Variants in RBMS2 observed in about 807,000 individuals in gnomAD.
The protein encoded by RBMS2 is RNA binding motif single stranded interacting protein 2, also known as RNA-binding motif, single-stranded-interacting protein 2.
A neutral mutation model predicts 58.4 loss-of-function variants in RBMS2; 38 were observed. That is an observed-to-expected ratio of 0.65 (90% confidence interval 0.50 to 0.85). The LOEUF is 0.85. RBMS2 is among the 40% of genes least tolerant of loss of function. RBMS2 has a pLI of 0.00. For missense variants in RBMS2, 367 were observed against 503.7 expected (o/e 0.73, Z 2.60); for synonymous variants, 151 against 180.7 (o/e 0.84, Z 1.32).
In RBMS2 at chr12:56,591,534, G is replaced by C. The variant is rs1885307124; in HGVS notation, c.*2401G>C. The C allele has an allele frequency of 6.6e-6, 1 of 152,122 alleles. No individual in the cohort carries two copies. The highest frequency in any genetic ancestry group is 2.4e-5 in the African/African-American group (1 of 41,412). 9.4% of individuals were successfully genotyped at this position (152,122 alleles called of 1,614,324 possible). A position where few individuals can be genotyped will look rare whatever the true frequency, so the allele number is the denominator to read the frequency against. ...CTAGAGGGCTCTGGCTGGGCAGATA[G>C]CTTTTGTTTTTGAGTCTCCAGCCCT... On this transcript the variant is annotated 3_prime_UTR_variant, in exon 14 of 14. Transcript: ENST00000262031.
chr12:56,543,143 G>A, intron 1 of RBMS2, among the ~76,000 whole-genome samples: 1 of 151,572 alleles, frequency 6.6e-6, no homozygotes, highest in Non-Finnish European at 1.5e-5. Context: ...TAAGTGTTGG[G>A]ATTACAGGCA....
At chr12:56,580,078 C>A (rs1169245732) in intron 5 of RBMS2, among the ~76,000 whole-genome samples, 3 of 149,402 alleles carry the variant, frequency 2.0e-5, no homozygotes, top group Non-Finnish European at 3.0e-5. Flanking sequence ...TACTGGCACG[C>A]ACCACCACAC....
chr12:56,545,078 C>G (rs758136780), intron 1 of RBMS2, among the ~76,000 whole-genome samples: 1 of 152,072 alleles, frequency 6.6e-6, no homozygotes, highest in Non-Finnish European at 1.5e-5. Flanking sequence ...CAGCCTTCCC[C>G]TCCCAGTCCC....
intron 2 of RBMS2, among the ~76,000 whole-genome samples, chr12:56,564,126 T>G (rs967290565): frequency 7.9e-5 from 12 of 152,036 alleles, no homozygotes; most frequent in African/African-American, 2.9e-4. Flanking sequence ...TTTTGTTTTT[T>G]TTTTTGCTAG....
intron 5 of RBMS2, among the ~76,000 whole-genome samples, chr12:56,575,139 C>CAGCCTGGGCAACAGAGTGAG (rs1314790753): frequency 6.6e-6 from 1 of 151,804 alleles, no homozygotes; most frequent in Non-Finnish European, 1.5e-5. Context: ...ACATGCACTT[C>CAGCCTGGGCAACAGAGTGAG]AGCCTGGGCA....
At chr12:56,530,568 C>A (rs1469193475) in intron 1 of RBMS2, among the ~76,000 whole-genome samples, 3 of 151,900 alleles carry the variant, frequency 2.0e-5, no homozygotes, top group African/African-American at 7.3e-5. Flanking sequence ...CTATATTGCC[C>A]TGGCTGGTCT....
At chr12:56,553,829 T>C (rs1335826504) in intron 1 of RBMS2, among the ~76,000 whole-genome samples, 1 of 30,844 alleles carries the variant, frequency 3.2e-5, no homozygotes, top group African/African-American at 6.4e-5. Flanking sequence ...TTTCTTTGTT[T>C]TTTTTTTTTT....
Position 56,595,972 on chromosome 12 carries a change from A to T in RBMS2, c.*6839A>T, listed in dbSNP as rs1263165326. The T allele has an allele frequency of 6.6e-6, 1 of 152,616 alleles. No homozygotes were observed. Among genetic ancestry groups the T allele is most frequent in the East Asian group, 1.9e-4 (1 of 5,196 alleles). The allele number at this position is 152,616 out of a possible 1,614,324, so 9.5% of individuals were successfully genotyped here. ...TTTTTTTATTCAACAACTGACAAGC[A>T]CTTTTCTACAGCTGCACTTGTGGAA... On this transcript the variant is annotated 3_prime_UTR_variant, in exon 14 of 14. Coordinates refer to ENST00000262031, the MANE Select transcript of RBMS2 (RefSeq NM_002898.4).
At chr12:56,547,919 T>G (rs1268417361) in intron 1 of RBMS2, among the ~76,000 whole-genome samples, 1 of 151,954 alleles carries the variant, frequency 6.6e-6, no homozygotes, top group Non-Finnish European at 1.5e-5. Flanking sequence ...CCCAAAGTGC[T>G]GGGATTACAG....
At chr12:56,527,419 C>T (rs572056691) in intron 1 of RBMS2, among the ~76,000 whole-genome samples, 1 of 152,178 alleles carries the variant, frequency 6.6e-6, no homozygotes, top group African/African-American at 2.4e-5. Context: ...TGAGACCAGA[C>T]TGGCCAACAG....
At chr12:56,528,991 G>GT in intron 1 of RBMS2, among the ~76,000 whole-genome samples, 1 of 152,150 alleles carries the variant, frequency 6.6e-6, no homozygotes, top group East Asian at 1.9e-4. Flanking sequence ...TACACTTCTG[G>GT]TGGGAATGTA....
At chr12:56,570,427 A>AG (rs1336705883) in intron 4 of RBMS2, among the ~76,000 whole-genome samples, 1 of 152,014 alleles carries the variant, frequency 6.6e-6, no homozygotes, top group Non-Finnish European at 1.5e-5. Flanking sequence ...TGGGCTGGGG[A>AG]GGCAGGAGGG....
chr12:56,521,656 G>A (rs1871739682), upstream of RBMS2, among the ~76,000 whole-genome samples: 1 of 151,364 alleles, frequency 6.6e-6, no homozygotes, highest in Non-Finnish European at 1.5e-5. Flanking sequence ...TAGAGGAAAG[G>A]GGATAAATTT....
At chr12:56,524,422 CT>C (rs35748039) in intron 1 of RBMS2, among the ~76,000 whole-genome samples, 81,151 of 145,114 alleles carry the variant, frequency 0.56, 24,183 homozygotes, top group East Asian at 0.72. Context: ...TTTATTTTTA[CT>C]TTTTTTTTTT....
intron 1 of RBMS2, among the ~76,000 whole-genome samples, chr12:56,539,268 C>A (rs539629479): frequency 1.3e-5 from 2 of 152,162 alleles, no homozygotes; most frequent in African/African-American, 4.8e-5. Flanking sequence ...TCACCCACCT[C>A]AGCCTCCCAA....
At chr12:56,574,274 T>A (rs1882799064) in intron 5 of RBMS2, among the ~76,000 whole-genome samples, 1 of 152,218 alleles carries the variant, frequency 6.6e-6, no homozygotes, top group South Asian at 2.1e-4. Context: ...AGAGAGCATG[T>A]CTTTATTTCA....
At chr12:56,543,813 G>A (rs868269104) in intron 1 of RBMS2, among the ~76,000 whole-genome samples, 13 of 151,524 alleles carry the variant, frequency 8.6e-5, no homozygotes, top group Non-Finnish European at 1.8e-4. Context: ...GATTACAGGC[G>A]TGCGCCACCA....
intron 5 of RBMS2, among the ~76,000 whole-genome samples, chr12:56,574,355 A>T (rs1425764263): frequency 1.3e-5 from 2 of 152,222 alleles, no homozygotes; most frequent in African/African-American, 4.8e-5. Flanking sequence ...TGGTATCAGA[A>T]TGGACACCTA....
At chr12:56,567,301 C>T (rs2136450632) in intron 2 of RBMS2, among the ~76,000 whole-genome samples, 1 of 151,658 alleles carries the variant, frequency 6.6e-6, no homozygotes, top group Middle Eastern at 3.4e-3. Context: ...AGGAGAATCG[C>T]TTGAACCTGG....
Sources: gnomAD v4.1 joint callset for allele counts (sites outside exome capture counted in the v4.1 genomes callset) on GRCh38, gnomAD v4.1.1 for gene constraint, MANE v1.5 for transcripts, NCBI Gene and HGNC (gene_info 2026-07-23, HGNC 2026-07-21) for gene names.